BPIFC: variants seen among roughly 807,000 people sequenced by gnomAD.
The protein encoded by BPIFC is BPI fold-containing family C protein.
BPIFC carries 60 observed loss-of-function variants against 57.6 expected under a neutral mutation model. That is an observed-to-expected ratio of 1.04 (90% CI 0.85 to 1.29). The LOEUF is 1.29. BPIFC is among the 50% of genes most tolerant of loss of function. BPIFC has a pLI of 0.00. For synonymous variants in BPIFC, 243 were observed against 224.5 expected (o/e 1.08, Z -0.74); for missense variants, 581 against 600.5 (o/e 0.97, Z 0.34).
chr22:32,445,715 A>C lies in BPIFC; in HGVS notation c.531-17T>G. 7.5e-7 allele frequency: 1 copy of C among 1,331,394 alleles called. No homozygotes were observed. Among genetic ancestry groups the C allele is most frequent in the South Asian group, 1.4e-5 (1 of 72,402 alleles). 82.5% of individuals were successfully genotyped at this position (1,331,394 alleles called of 1,614,324 possible). ...TACAGAACACTGAGGAAAAAAATGAAAAAAAAAAAAAAAAAAAAAAGAGGT... is the reference window on the plus strand; with the variant it reads ...TACAGAACACTGAGGAAAAAAATGACAAAAAAAAAAAAAAAAAAAAGAGGT... On this transcript the variant is annotated splice_polypyrimidine_tract_variant and intron_variant, in intron 6 of 16. Coordinates refer to ENST00000300399, the MANE Select transcript of BPIFC (RefSeq NM_174932.3).
At chr22:32,453,636 T>A (rs916322769) in intron 3 of BPIFC, 133 bp from the exon 4 acceptor site, 1 of 1,144,134 alleles carries the variant, frequency 8.7e-7, no homozygotes, top group African/African-American at 1.6e-5. Context: ...CCCCACAAAG[T>A]GGGTATTATT....
chr22:32,423,037 TGTTTGTTGGAATTGG>T (rs1933893534), intron 13 of BPIFC, among the ~76,000 whole-genome samples: 1 of 151,530 alleles, frequency 6.6e-6, no homozygotes, highest in South Asian at 2.1e-4. Context: ...GGTTGGGGAG[TGTTTGTTGGAATTGG>T]GGTCACTTTG....
intron 16 of BPIFC, among the ~76,000 whole-genome samples, chr22:32,415,097 G>A (rs1933631260): frequency 6.6e-6 from 1 of 152,206 alleles, no homozygotes; most frequent in African/African-American, 2.4e-5. Context: ...AGATCATCAG[G>A]CATTAGTTAG....
intron 13 of BPIFC, among the ~76,000 whole-genome samples, chr22:32,420,789 G>C (rs946745029): frequency 6.6e-6 from 1 of 152,146 alleles, no homozygotes; most frequent in African/African-American, 2.4e-5. Flanking sequence ...ACTATACATT[G>C]ATACACATTG....
chr22:32,457,140 T>C lies in BPIFC; in HGVS notation c.124+123A>G, dbSNP rs923224514. On this transcript the variant is annotated intron_variant, in intron 3 of 16. Coordinates refer to ENST00000300399, the MANE Select transcript of BPIFC (RefSeq NM_174932.3). ...TCTTAGCAGTTTCTGCATAAGGTAC[T>C]GGATCACCCCACAGTACGGCGTTTC... 20 of 1,179,278 alleles carry C rather than the reference T, an allele frequency of 1.7e-5. No homozygotes were observed. In the African/African-American group the frequency reaches 2.1e-4, roughly 12 times the overall value. The allele number at this position is 1,179,278 out of a possible 1,614,324, so 73.1% of individuals were successfully genotyped here.
chr22:32,454,234 CT>C (rs550013136), intron 3 of BPIFC, among the ~76,000 whole-genome samples: 2 of 152,128 alleles, frequency 1.3e-5, no homozygotes, highest in Non-Finnish European at 2.9e-5. Context: ...ATTCCACACT[CT>C]TTTTTCCTTT....
At position 32,417,140 on chromosome 22, in the gene BPIFC, C is replaced by T; in HGVS notation, c.1269G>A (p.Arg423=). The part of the protein sequence containing the change: ...ESNRSNIEVL[R]FENILSSILH... Reference sequence around the variant, plus strand: ...GAATGGACGATAGAATATTTTCAAACCTCAAGACCTAAAATAAAAGAGGAA... The same window carrying T: ...GAATGGACGATAGAATATTTTCAAATCTCAAGACCTAAAATAAAAGAGGAA... The change falls in exon 15 of 17, where the codon AGG becomes AGA. Residue 423 remains arginine (R), a synonymous_variant. Coordinates refer to ENST00000300399, the MANE Select transcript of BPIFC (RefSeq NM_174932.3). 6.2e-7 allele frequency: 1 copy of T among 1,600,568 alleles called. No homozygotes were observed. Among genetic ancestry groups the T allele is most frequent in the South Asian group, 1.1e-5 (1 of 90,790 alleles).
intron 13 of BPIFC, among the ~76,000 whole-genome samples, chr22:32,424,586 CTTCTTCTTCTTCTT>C (rs1933945366): frequency 2.3e-5 from 2 of 86,238 alleles, no homozygotes; most frequent in East Asian, 3.2e-4. Flanking sequence ...TCTTCTTCTT[CTTCTTCTTCTTCTT>C]CTCCTCCTCC....
At chr22:32,415,021 C>T (rs2064632964) in intron 16 of BPIFC, among the ~76,000 whole-genome samples, 1 of 152,212 alleles carries the variant, frequency 6.6e-6, no homozygotes, top group African/African-American at 2.4e-5. Context: ...CGACTGGTTT[C>T]ATGGAAGACA....
chr22:32,439,622 C>CT (rs35796411), intron 8 of BPIFC, among the ~76,000 whole-genome samples: 58 of 150,350 alleles, frequency 3.9e-4, no homozygotes, highest in African/African-American at 6.1e-4. Flanking sequence ...TTATTTTTCA[C>CT]TTTTTTTTTT....
At chr22:32,422,727 G>A (rs915891509) in intron 13 of BPIFC, among the ~76,000 whole-genome samples, 7 of 151,982 alleles carry the variant, frequency 4.6e-5, no homozygotes, top group African/African-American at 9.7e-5. Flanking sequence ...AAGAGAGTGC[G>A]AAAAGATGAA....
In BPIFC at chr22:32,445,959, C is replaced by A. The variant is rs1437520169; in HGVS notation, c.412G>T (p.Val138Phe). Reference sequence around the variant, plus strand: ...AGGATAATGATACCGGTAAAGTAGACTCCGGAGAGAAACAGATCAGCCCCT... The same window carrying A: ...AGGATAATGATACCGGTAAAGTAGAATCCGGAGAGAAACAGATCAGCCCCT... Reference protein sequence around the residue: ...TGGADLFLSGVYFTGIIILTR... With the variant: ...TGGADLFLSGFYFTGIIILTR... Residue 138 changes from valine to phenylalanine, a missense_variant, in exon 6 of 17, where the codon GTC becomes TTC. Coordinates refer to ENST00000300399, the MANE Select transcript of BPIFC (RefSeq NM_174932.3). The A allele has an allele frequency of 6.2e-7, 1 of 1,614,004 alleles. No individual in the cohort carries two copies. The highest frequency in any genetic ancestry group is 8.5e-7 in the Non-Finnish European group (1 of 1,180,032).
intron 13 of BPIFC, among the ~76,000 whole-genome samples, chr22:32,421,419 CT>C (rs1933843945): frequency 6.6e-6 from 1 of 152,138 alleles, no homozygotes; most frequent in African/African-American, 2.4e-5. Flanking sequence ...TCGTATCTTG[CT>C]TTTCCTCTTA....
chr22:32,464,144 C>T (rs1935213253), intron 1 of BPIFC, among the ~76,000 whole-genome samples: 1 of 152,162 alleles, frequency 6.6e-6, no homozygotes, highest in African/African-American at 2.4e-5. Context: ...ACTCTTTTCT[C>T]TCTTATGGCT....
At position 32,447,231 on chromosome 22, in the gene BPIFC, C is replaced by T; in HGVS notation, c.355G>A (p.Gly119Arg). 6.2e-7 allele frequency: 1 copy of T among 1,609,886 alleles called. No homozygotes were observed. The highest frequency in any genetic ancestry group is 1.1e-5 in the South Asian group (1 of 90,348). Residue 119 changes from glycine (G) to arginine (R), a missense_variant, in exon 5 of 17, where the codon GGG becomes AGG. Gly to Arg is a moderately radical substitution (Grantham distance 125). Transcript: ENST00000300399. ...ACTCACAAAAGTGGAGACTCGAACC[C>T]CCAGTCTGTGCTGATGTTGGCAGTG... The part of the protein sequence containing the change: ...HGTANISTDW[G>R]FESPLFQDTG...
intron 13 of BPIFC, among the ~76,000 whole-genome samples, chr22:32,425,255 A>T (rs1275533124): frequency 6.6e-6 from 1 of 152,150 alleles, no homozygotes; most frequent in Non-Finnish European, 1.5e-5. Context: ...TAAAATGGGG[A>T]TAATAGTACC....
At chr22:32,449,275 A>G (rs1030370875) in intron 4 of BPIFC, among the ~76,000 whole-genome samples, 4 of 152,192 alleles carry the variant, frequency 2.6e-5, no homozygotes, top group Non-Finnish European at 5.9e-5. Flanking sequence ...AACCAGATTC[A>G]ATCACTCAAA....
chr22:32,464,331 G>C (rs1013061082), intron 1 of BPIFC, 43 bp downstream of exon 1: 85 of 948,024 alleles, frequency 9.0e-5, no homozygotes, highest in Non-Finnish European at 1.1e-4. Flanking sequence ...CCAGTTTGGA[G>C]ATCATGGCTG....
rs768204828 is a variant in BPIFC at position 32,414,322 on chromosome 22, C to T, written c.1505G>A (p.Arg502Lys). 9 of 1,613,680 alleles carry T rather than the reference C, an allele frequency of 5.6e-6. No individual in the cohort carries two copies. The East Asian group carries it at 2.0e-4, about 36-fold the overall frequency. ...EGLNLISRQWRGKSAP is the reference protein window; with the variant it reads ...EGLNLISRQWKGKSAP ...CGGCAATCAAGGGGCTGACTTCCCC[C>T]TCCACTGTCTGCTTATCAGGTTCAG... The change falls in exon 17 of 17, where the codon AGG becomes AAG. Residue 502 changes from arginine (R) to lysine (K), a missense_variant. By Grantham distance (26) the Arg-to-Lys change is conservative. Coordinates refer to ENST00000300399, the MANE Select transcript of BPIFC (RefSeq NM_174932.3).
Sources: gnomAD v4.1 joint callset for allele counts (sites outside exome capture counted in the v4.1 genomes callset) on GRCh38, gnomAD v4.1.1 for gene constraint, MANE v1.5 for transcripts, NCBI Gene and HGNC (gene_info 2026-07-23, HGNC 2026-07-21) for gene names.